Variants in ZFP91 observed in about 807,000 individuals in gnomAD.
The protein encoded by ZFP91 is ZFP91 zinc finger protein, atypical E3 ubiquitin ligase.
A neutral mutation model predicts 63.5 loss-of-function variants in ZFP91; 7 were observed. The observed-to-expected ratio is 0.11, with a 90% CI of 0.06 to 0.21. The LOEUF is 0.21. Ranked by LOEUF, ZFP91 falls within the 10% of genes least tolerant of loss-of-function variation. ZFP91 has a pLI of 1.00. For missense variants in ZFP91, 628 were observed against 736.6 expected (o/e 0.85, Z 1.71); for synonymous variants, 330 against 272.1 (o/e 1.21, Z -2.10).
chr11:58,584,911 G>A (rs756310523), intron 2 of ZFP91, 27 bp downstream of exon 2: 5 of 1,486,510 alleles, frequency 3.4e-6, no homozygotes, highest in Non-Finnish European at 3.6e-6. Context: ...CTTACCTCTA[G>A]CGTACATTAC....
chr11:58,606,934 CAG>C (rs532912700), intron 2 of ZFP91, among the ~76,000 whole-genome samples: 3 of 152,094 alleles, frequency 2.0e-5, no homozygotes, highest in South Asian at 2.1e-4. Context: ...TCATCTCTGA[CAG>C]AGTGGTTTTT....
At position 58,604,706 on chromosome 11, in the gene ZFP91, C is replaced by T. The variant is rs142260065; in HGVS notation, c.371-5124C>T. ...CTTTGAATGTGTCCCAACACAAAAT[C>T]GTAAACTTTCTTAACACATTATGAG... On this transcript the variant is annotated intron_variant, in intron 2 of 10. Coordinates refer to ENST00000316059, the MANE Select transcript of ZFP91 (RefSeq NM_053023.5). 2.6e-5 allele frequency among the ~76,000 whole-genome samples: 4 copies of T among 152,284 alleles called. No individual in the cohort carries two copies. The East Asian group carries it at 5.8e-4, about 22-fold the overall frequency.
In ZFP91 at chr11:58,603,470, G is replaced by A. The variant is rs545835341; in HGVS notation, c.371-6360G>A. On this transcript the variant is annotated intron_variant, in intron 2 of 10. Coordinates refer to ENST00000316059, the MANE Select transcript of ZFP91 (RefSeq NM_053023.5). ...CCAGAATAGACATGCAATTTTTCAGGAAAGATCTGTGGAGGACTCTCATTT... is the reference window on the plus strand; with the variant it reads ...CCAGAATAGACATGCAATTTTTCAGAAAAGATCTGTGGAGGACTCTCATTT... Among the ~76,000 whole-genome samples the A allele has an allele frequency of 7.8e-4, 119 of 152,282 alleles. 1 individual carries two copies. Among genetic ancestry groups the A allele is most frequent in the Non-Finnish European group, 1.2e-3 (85 of 68,030 alleles).
In ZFP91 at chr11:58,620,616, G is replaced by A. The variant is rs1400713839; in HGVS notation, c.*2910G>A. The A allele has an allele frequency of 1.3e-5, 2 of 152,530 alleles. No homozygotes were observed. Among genetic ancestry groups the A allele is most frequent in the East Asian group, 1.9e-4 (1 of 5,196 alleles). 9.4% of individuals were successfully genotyped at this position (152,530 alleles called of 1,614,324 possible). On this transcript the variant is annotated 3_prime_UTR_variant, in exon 11 of 11. Coordinates refer to ENST00000316059, the MANE Select transcript of ZFP91 (RefSeq NM_053023.5). ...GTACTGGGAGTAAAATAAAAATATC[G>A]AGGTATAGACTAGCATCCACATAGA...
At position 58,610,351 on chromosome 11, in the gene ZFP91, T is replaced by C; in HGVS notation, c.617+17T>C. The C allele has an allele frequency of 6.3e-7, 1 of 1,579,156 alleles. No individual in the cohort carries two copies. On this transcript the variant is annotated intron_variant, in intron 4 of 10. Transcript: ENST00000316059. ...TGGCATTAGGTAAAAAAAACATTAA[T>C]ATTTCATTTTTAAACCTTTGGGGAC...
chr11:58,594,141 A>G (rs1221261530), intron 2 of ZFP91, among the ~76,000 whole-genome samples: 2 of 152,160 alleles, frequency 1.3e-5, no homozygotes, highest in African/African-American at 4.8e-5. Flanking sequence ...GGCTATTAGG[A>G]TAAGATTCAA....
At position 58,617,515 on chromosome 11, in the gene ZFP91, C is replaced by T. The variant is rs1380160448; in HGVS notation, c.1522C>T (p.Leu508=). The T allele has an allele frequency of 6.2e-7, 1 of 1,614,072 alleles. No individual in the cohort carries two copies. The highest frequency in any genetic ancestry group is 8.5e-7 in the Non-Finnish European group (1 of 1,179,996). Reference sequence around the variant, plus strand: ...GGGAAACTCAACCTCTGGAGAGTGCCTACTGTTAGAAGCTGAAGGGATGTC... The same window carrying T: ...GGGAAACTCAACCTCTGGAGAGTGCTTACTGTTAGAAGCTGAAGGGATGTC... ...PLGNSTSGEC[L]LLEAEGMSKS... is the part of the protein sequence containing the mutation. Residue 508 remains leucine (L), a synonymous_variant, in exon 11 of 11, where the codon CTA becomes TTA. Coordinates refer to ENST00000316059, the MANE Select transcript of ZFP91 (RefSeq NM_053023.5). This position sits in a 1 kb window ranked among gnomAD's most constrained non-coding sequence, Gnocchi z 4.2.
At position 58,620,090 on chromosome 11, in the gene ZFP91, G is replaced by C. The variant is rs2276155; in HGVS notation, c.*2384G>C. ...CTCCCAACAAAAAAACAACTAGTTA[G>C]TTCTACTAATTAGAAACTTGCTGTA... is the stretch of plus-strand genomic sequence containing the variant. On this transcript the variant is annotated 3_prime_UTR_variant, in exon 11 of 11. Coordinates refer to ENST00000316059, the MANE Select transcript of ZFP91 (RefSeq NM_053023.5). 5.3e-5 allele frequency: 8 copies of C among 152,316 alleles called. No homozygotes were observed. In the East Asian group the frequency reaches 1.5e-3, roughly 29 times the overall value. 9.4% of individuals were successfully genotyped at this position (152,316 alleles called of 1,614,324 possible).
chr11:58,608,287 CT>C (rs1855601585), intron 2 of ZFP91, among the ~76,000 whole-genome samples: 1 of 151,344 alleles, frequency 6.6e-6, no homozygotes, highest in South Asian at 2.1e-4. Flanking sequence ...TACTCTTCTA[CT>C]ACTTAAAAAC....
intron 4 of ZFP91, 22 bp downstream of exon 4, chr11:58,610,356 C>G (rs749408607): frequency 6.4e-7 from 1 of 1,574,508 alleles, no homozygotes; most frequent in Non-Finnish European, 8.6e-7. Flanking sequence ...ATTAATATTT[C>G]ATTTTTAAAC....
chr11:58,611,750 A>G lies in ZFP91; in HGVS notation c.857+12A>G, dbSNP rs2134420515. 2 of 1,582,452 alleles carry G rather than the reference A, an allele frequency of 1.3e-6. No individual in the cohort carries two copies. The highest frequency in any genetic ancestry group is 2.3e-5 in the East Asian group (1 of 44,240). ...GAACCTCCAAGGAAGTGAGTAGGCA[A>G]TTATTAAAAATGAAAATCTAACAGA... On this transcript the variant is annotated intron_variant, in intron 6 of 10. Transcript: ENST00000316059.
At position 58,617,731 on chromosome 11, in the gene ZFP91, G is replaced by A. The variant is rs1855773436; in HGVS notation, c.*25G>A. The A allele has an allele frequency of 6.8e-7, 1 of 1,477,708 alleles. No individual in the cohort carries two copies. The allele number at this position is 1,477,708 out of a possible 1,614,324, so 91.5% of individuals were successfully genotyped here. A position where few individuals can be genotyped will look rare whatever the true frequency, so the allele number is the denominator to read the frequency against. ...GTGGACAGGAAGACTTGGGGCATGG[G>A]ACAGCTCAGACTTTGTATTTAAAAG... On this transcript the variant is annotated 3_prime_UTR_variant, in exon 11 of 11. Coordinates refer to ENST00000316059, the MANE Select transcript of ZFP91 (RefSeq NM_053023.5). The surrounding 1 kb of genome is among the most constrained non-coding windows in gnomAD (Gnocchi z 4.2).
intron 9 of ZFP91, among the ~76,000 whole-genome samples, chr11:58,616,345 G>A (rs1303451520): frequency 6.6e-6 from 1 of 151,544 alleles, no homozygotes; most frequent in African/African-American, 2.4e-5. Context: ...TTCATTGTCT[G>A]TGAAAAAAAT....
chr11:58,610,820 A>T, intron 4 of ZFP91, 130 bp from the exon 5 acceptor site: 2 of 669,234 alleles, frequency 3.0e-6, no homozygotes, highest in Non-Finnish European at 4.8e-6. Context: ...CAGTCCAATT[A>T]GGTCATTAGG....
intron 2 of ZFP91, among the ~76,000 whole-genome samples, chr11:58,591,924 A>G (rs1354981504): frequency 6.6e-6 from 1 of 152,092 alleles, no homozygotes; most frequent in Non-Finnish European, 1.5e-5. Context: ...ATATTAGGCA[A>G]TTAGCAGTGG....
At chr11:58,608,307 A>G (rs1489464124) in intron 2 of ZFP91, among the ~76,000 whole-genome samples, 4 of 151,960 alleles carry the variant, frequency 2.6e-5, no homozygotes, top group African/African-American at 7.2e-5. Flanking sequence ...ACAGTGCTAT[A>G]TGTTAATCAT....
At chr11:58,609,544 A>G (rs543883726) in intron 2 of ZFP91, among the ~76,000 whole-genome samples, 4 of 152,342 alleles carry the variant, frequency 2.6e-5, no homozygotes, top group African/African-American at 9.6e-5. Flanking sequence ...GAATTTCATG[A>G]ATCCAGTTAC....
chr11:58,579,833 G>A (rs1023449890), intron 1 of ZFP91, among the ~76,000 whole-genome samples: 8 of 152,008 alleles, frequency 5.3e-5, no homozygotes, highest in African/African-American at 1.7e-4. Context: ...TTGTCGGGCC[G>A]TTTCCCCACT....
Position 58,579,124 on chromosome 11 carries a change from C to T in ZFP91, c.-158C>T. 4 of 534,730 alleles carry T rather than the reference C, an allele frequency of 7.5e-6. No individual in the cohort carries two copies. The highest frequency in any genetic ancestry group is 4.6e-5 in the South Asian group (1 of 21,796). The allele number at this position is 534,730 out of a possible 1,614,324, so 33.1% of individuals were successfully genotyped here. On this transcript the variant is annotated 5_prime_UTR_variant, in exon 1 of 11. Coordinates refer to ENST00000316059, the MANE Select transcript of ZFP91 (RefSeq NM_053023.5). ...CTTGAGTGGCAGGGGGTGGGGGGGGCGCCCTCGGAGCCGGGCGGAGGGGAG... is the reference window on the plus strand; with the variant it reads ...CTTGAGTGGCAGGGGGTGGGGGGGGTGCCCTCGGAGCCGGGCGGAGGGGAG...
Sources: allele counts gnomAD v4.1 joint callset (sites outside exome capture counted in the v4.1 genomes callset), GRCh38; gene constraint gnomAD v4.1.1; non-coding constraint Gnocchi (gnomAD v3.1); transcripts MANE v1.5; gene names NCBI Gene and HGNC (gene_info 2026-07-23, HGNC 2026-07-21).